MPDZ: variants seen among roughly 807,000 people sequenced by gnomAD.
The protein encoded by MPDZ is multiple PDZ domain protein.
In MPDZ, 234 loss-of-function variants were observed where a neutral mutation model predicts 239.1. That is an observed-to-expected ratio of 0.98 (90% CI 0.88 to 1.09). MPDZ has a LOEUF of 1.09. MPDZ is among the 50% of genes least tolerant of loss of function. MPDZ has a pLI of 0.00. For synonymous variants in MPDZ, 1,048 were observed against 881.3 expected, an observed-to-expected ratio of 1.19 and a Z score of -3.35; for missense variants, 3,175 against 2,510.0, an observed-to-expected ratio of 1.26 and a Z score of -5.66.
rs763755358 is a variant in MPDZ, at chr9:13,162,885, T to C, written c.3255-90A>G. The stretch of plus-strand genomic sequence containing the variant: ...CTTCTAAAATAAAGGAAACAAATCA[T>C]ATTGTCCCTTTCTCCCTACTTTTTC... On this transcript the variant is annotated intron_variant, in intron 22 of 46. Transcript: ENST00000319217. 63 of 813,626 alleles carry C rather than the reference T, an allele frequency of 7.7e-5. No individual in the cohort carries two copies. In the Middle Eastern group the frequency reaches 1.3e-3, roughly 17 times the overall value. The allele number at this position is 813,626 out of a possible 1,614,324, so 50.4% of individuals were successfully genotyped here.
At chr9:13,246,936 TTAAG>T (rs906311174) in intron 3 of MPDZ, among the ~76,000 whole-genome samples, 2 of 152,248 alleles carry the variant, frequency 1.3e-5, no homozygotes, top group African/African-American at 4.8e-5. Context: ...GGTGATTAAA[TTAAG>T]TAAGTTCAAA....
chr9:13,245,403 C>A, intron 3 of MPDZ, among the ~76,000 whole-genome samples: 1 of 145,714 alleles, frequency 6.9e-6, no homozygotes, highest in African/African-American at 2.5e-5. Flanking sequence ...GTTCAACTTT[C>A]TACCTTTGAA....
At chr9:13,132,843 T>G (rs10756455) in intron 32 of MPDZ, among the ~76,000 whole-genome samples, 65,634 of 151,922 alleles carry the variant, frequency 0.43, 16,096 homozygotes, top group African/African-American at 0.67. Flanking sequence ...CTCTGACACA[T>G]GTGGTCTGGC....
chr9:13,111,945 C>G, intron 43 of MPDZ, 79 bp downstream of exon 43: 5 of 1,472,220 alleles, frequency 3.4e-6, no homozygotes, highest in Non-Finnish European at 3.7e-6. Flanking sequence ...TGCCTTGCAA[C>G]AGGTAGCCAG....
At chr9:13,219,040 C>G (rs1958718653) in intron 8 of MPDZ, among the ~76,000 whole-genome samples, 1 of 151,884 alleles carries the variant, frequency 6.6e-6, no homozygotes. Context: ...AATCTGATAA[C>G]AGTTCTAAGA....
In MPDZ at chr9:13,278,209, T is replaced by A. The variant is rs147433544; in HGVS notation, c.-58+1191A>T. Among the ~76,000 whole-genome samples, 25 of 152,270 alleles carry A rather than the reference T, an allele frequency of 1.6e-4. No homozygotes were observed. The East Asian group carries it at 3.5e-3, about 21-fold the overall frequency. The stretch of plus-strand genomic sequence containing the variant: ...TCAAGGAACATGGAGAAGTTTTCCT[T>A]CTACGCTGGTGAAGTCATGGTCCTC... On this transcript the variant is annotated intron_variant, in intron 1 of 46. Coordinates refer to ENST00000319217, the MANE Select transcript of MPDZ (RefSeq NM_001378778.1).
Position 13,219,570 on chromosome 9 carries a change from G to A in MPDZ, c.1075C>T (p.Pro359Ser). 6.2e-7 allele frequency: 1 copy of A among 1,611,702 alleles called. No homozygotes were observed. Among genetic ancestry groups the A allele is most frequent in the African/African-American group, 1.3e-5 (1 of 74,862 alleles). The stretch of plus-strand genomic sequence containing the variant: ...TCTTAACTACTTACCCGCAACTCTG[G>A]TGTTGAAGTTGGGGATGAGGAGAGG... Reference protein sequence around the residue: ...ITLSSSPTSTPELRVDASTQK... With the variant: ...ITLSSSPTSTSELRVDASTQK... The change falls in exon 8 of 47, where the codon CCA becomes TCA. Residue 359 changes from proline to serine, a missense_variant. Pro to Ser is a moderately conservative substitution (Grantham distance 74, BLOSUM62 -1). Coordinates refer to ENST00000319217, the MANE Select transcript of MPDZ (RefSeq NM_001378778.1).
At chr9:13,192,542 TG>T (rs1955081593) in intron 14 of MPDZ, among the ~76,000 whole-genome samples, 2 of 151,958 alleles carry the variant, frequency 1.3e-5, no homozygotes, top group African/African-American at 4.8e-5. Context: ...GATCTGCCAG[TG>T]TAGTGGTCTG....
intron 12 of MPDZ, among the ~76,000 whole-genome samples, chr9:13,197,516 T>G (rs1285963737): frequency 6.6e-5 from 10 of 152,174 alleles, no homozygotes; most frequent in Admixed American, 6.6e-4. Flanking sequence ...AGGGTATATG[T>G]GATATTTTGA....
At chr9:13,221,253 T>G (rs561941755) in intron 7 of MPDZ, 119 bp downstream of exon 7, 2 of 1,120,104 alleles carry the variant, frequency 1.8e-6, no homozygotes, top group East Asian at 2.6e-5. Flanking sequence ...CGAAAGATTC[T>G]AACTCAATTT....
At chr9:13,214,565 A>G (rs1958045063) in intron 10 of MPDZ, among the ~76,000 whole-genome samples, 1 of 152,070 alleles carries the variant, frequency 6.6e-6, no homozygotes. Flanking sequence ...GGTGAATTGT[A>G]TGGTATGTGA....
chr9:13,232,125 T>G, intron 3 of MPDZ, among the ~76,000 whole-genome samples: 1 of 152,086 alleles, frequency 6.6e-6, no homozygotes, highest in East Asian at 1.9e-4. Flanking sequence ...AGACTAGAAT[T>G]GAAGAAACAA....
chr9:13,174,496 T>G (rs978043012), intron 21 of MPDZ, among the ~76,000 whole-genome samples: 12 of 152,180 alleles, frequency 7.9e-5, no homozygotes, highest in African/African-American at 2.9e-4. Flanking sequence ...TGATAATCTC[T>G]TAGTGATTCA....
intron 1 of MPDZ, among the ~76,000 whole-genome samples, chr9:13,274,843 C>T (rs1973812280): frequency 6.6e-6 from 1 of 152,052 alleles, no homozygotes; most frequent in Admixed American, 6.6e-5. Context: ...CACAGTGTTT[C>T]AGCTTTGCCA....
intron 32 of MPDZ, among the ~76,000 whole-genome samples, chr9:13,127,788 T>C (rs1287494230): frequency 6.6e-6 from 1 of 152,228 alleles, no homozygotes; most frequent in African/African-American, 2.4e-5. Flanking sequence ...GTCATGTCTA[T>C]CTGCCAGAGT....
intron 22 of MPDZ, among the ~76,000 whole-genome samples, chr9:13,164,820 C>A (rs190244843): frequency 3.9e-5 from 6 of 152,248 alleles, no homozygotes; most frequent in African/African-American, 1.2e-4. Context: ...CACAATGCAA[C>A]AGAACATGCA....
rs797045707 is a variant in MPDZ at position 13,221,493 on chromosome 9, C to T, written c.755G>A (p.Trp252Ter). ...TISAHSNPVH[W>*]QHMETIELVN... ...CAATTCAATCGTTTCCATGTGTTGC[C>T]AGTGAACCTACAAACAAAGCTCATA... Residue 252 changes from tryptophan (W) to a stop codon, truncating the protein, a stop_gained, in exon 7 of 47, where the codon TGG (tryptophan) becomes TAG (stop). Coordinates refer to ENST00000319217, the MANE Select transcript of MPDZ (RefSeq NM_001378778.1). LOFTEE classifies it high-confidence loss of function. The T allele has an allele frequency of 6.2e-7, 1 of 1,609,824 alleles. No individual in the cohort carries two copies. The highest frequency in any genetic ancestry group is 8.5e-7 in the Non-Finnish European group (1 of 1,177,572).
intron 10 of MPDZ, among the ~76,000 whole-genome samples, chr9:13,211,292 G>A (rs1017872749): frequency 2.0e-5 from 3 of 151,804 alleles, no homozygotes; most frequent in Non-Finnish European, 4.4e-5. Context: ...AAATTAAAAG[G>A]GGCAGTTGAT....
intron 45 of MPDZ, among the ~76,000 whole-genome samples, chr9:13,109,469 G>T (rs984505956): frequency 1.3e-5 from 2 of 152,154 alleles, no homozygotes; most frequent in Non-Finnish European, 2.9e-5. Flanking sequence ...CAATGGAAAA[G>T]CTGCATCAAA....
Sources: allele counts gnomAD v4.1 joint callset (sites outside exome capture counted in the v4.1 genomes callset), GRCh38; gene constraint gnomAD v4.1.1; transcripts MANE v1.5; gene names NCBI Gene and HGNC (gene_info 2026-07-23, HGNC 2026-07-21).